The following DEXI variants were observed in gnomAD, a reference collection of about 807,000 sequenced individuals.
DEXI encodes the protein dexamethasone-induced protein.
DEXI carries 2 observed loss-of-function variants against 2.5 expected under a neutral mutation model. That is an observed-to-expected ratio of 0.81 (90% CI 0.33 to 2.55). DEXI has a LOEUF of 2.55. DEXI is among the 30% of genes most tolerant of loss of function. The pLI is 0.11. For missense variants in DEXI, 108 were observed against 130.3 expected, an observed-to-expected ratio of 0.83 and a Z score of 0.83; for synonymous variants, 71 against 68.7, an observed-to-expected ratio of 1.03 and a Z score of -0.17.
intron 1 of DEXI, chr16:10,936,872 G>T (rs1279202237): frequency 1.3e-5 from 2 of 152,180 alleles, no homozygotes; most frequent in African/African-American, 2.4e-5. Context: ...GTGATCTTAG[G>T]TTTCCCAAAA....
rs889159197 is a variant in DEXI at position 10,941,621 on chromosome 16, T to C, written c.*97A>G. 1.1e-5 allele frequency: 17 copies of C among 1,512,888 alleles called. No homozygotes were observed. The Admixed American group carries it at 3.8e-4, about 34-fold the overall frequency. 93.7% of individuals were successfully genotyped at this position (1,512,888 alleles called of 1,614,324 possible). A position where few individuals can be genotyped will look rare whatever the true frequency, so the allele number is the denominator to read the frequency against. ...TCCTGGGGAACCATCCCCGTCCAGATGGTGCCCCCAACCAGCTGCGGCGGC... is the reference window on the plus strand; with the variant it reads ...TCCTGGGGAACCATCCCCGTCCAGACGGTGCCCCCAACCAGCTGCGGCGGC... On this transcript the variant is annotated 3_prime_UTR_variant, in exon 1 of 2. Coordinates refer to ENST00000331808, the MANE Select transcript of DEXI (RefSeq NM_014015.4). This position sits in a 1 kb window ranked among gnomAD's most constrained non-coding sequence, Gnocchi z 6.4.
At position 10,942,065 on chromosome 16, in the gene DEXI, C is replaced by G. The variant is rs1311098058; in HGVS notation, c.-60G>C. 27 of 1,313,762 alleles carry G rather than the reference C, an allele frequency of 2.1e-5. No homozygotes were observed. The Admixed American group carries it at 1.1e-3, about 53-fold the overall frequency. The allele number at this position is 1,313,762 out of a possible 1,614,324, so 81.4% of individuals were successfully genotyped here. Reference sequence around the variant, plus strand: ...CGGCGAACTCAGCCGCTGCGGCGCCCGGGCGGCCGGCGAGGGCACAGCGCA... The same window carrying G: ...CGGCGAACTCAGCCGCTGCGGCGCCGGGGCGGCCGGCGAGGGCACAGCGCA... On this transcript the variant is annotated 5_prime_UTR_variant, in exon 1 of 2. Transcript: ENST00000331808. This position sits in a 1 kb window ranked among gnomAD's most constrained non-coding sequence, Gnocchi z 5.0.
chr16:10,936,548 ATTGT>A (rs1237329006), intron 1 of DEXI: 9 of 152,236 alleles, frequency 5.9e-5, no homozygotes, highest in East Asian at 1.9e-4. Flanking sequence ...TTGGGCGGGC[ATTGT>A]TTGTGCTCTT....
rs947907924 is a variant in DEXI at position 10,938,460 on chromosome 16, T to C, written c.*149+3109A>G. ...CACTGTGTGACATGCTCCACGCCCTTAGTCACTGTTTCCTGGATTGGCGTG... is the reference window on the plus strand; with the variant it reads ...CACTGTGTGACATGCTCCACGCCCTCAGTCACTGTTTCCTGGATTGGCGTG... On this transcript the variant is annotated intron_variant, in intron 1 of 1. Coordinates refer to ENST00000331808, the MANE Select transcript of DEXI (RefSeq NM_014015.4). This position sits in a 1 kb window ranked among gnomAD's most constrained non-coding sequence, Gnocchi z 4.9. The C allele has an allele frequency of 2.6e-5, 4 of 152,128 alleles. No homozygotes were observed. Among genetic ancestry groups the C allele is most frequent in the African/African-American group, 9.7e-5 (4 of 41,428 alleles). 9.4% of individuals were successfully genotyped at this position (152,128 alleles called of 1,614,324 possible). A position where few individuals can be genotyped will look rare whatever the true frequency, so the allele number is the denominator to read the frequency against.
At chr16:10,933,342 C>A (rs886366560) in intron 1 of DEXI, 1 of 152,286 alleles carries the variant, frequency 6.6e-6, no homozygotes, top group East Asian at 1.9e-4. Context: ...ATGGCCCTGG[C>A]GTTTTACGCG....
Position 10,937,772 on chromosome 16 carries a change from A to T in DEXI, c.*149+3797T>A, listed in dbSNP as rs1487733349. On this transcript the variant is annotated intron_variant, in intron 1 of 1. Coordinates refer to ENST00000331808, the MANE Select transcript of DEXI (RefSeq NM_014015.4). This position sits in a 1 kb window ranked among gnomAD's most constrained non-coding sequence, Gnocchi z 4.2. ...ACTGCAGCCCTTTCTCCTGGGAAGG[A>T]GGGAGCTCCCGATTCCCCATTCCCT... 1 of 152,210 alleles carries T rather than the reference A, an allele frequency of 6.6e-6. No homozygotes were observed. The highest frequency in any genetic ancestry group is 1.5e-5 in the Non-Finnish European group (1 of 68,066). The allele number at this position is 152,210 out of a possible 1,614,324, so 9.4% of individuals were successfully genotyped here. A position where few individuals can be genotyped will look rare whatever the true frequency, so the allele number is the denominator to read the frequency against.
chr16:10,933,039 A>T (rs1364047345), intron 1 of DEXI: 1 of 152,312 alleles, frequency 6.6e-6, no homozygotes, highest in Non-Finnish European at 1.5e-5. Flanking sequence ...CCCCAGGCTG[A>T]AAAGCACCCC....
chr16:10,941,712 G>C lies in DEXI; in HGVS notation c.*6C>G, dbSNP rs747276966. 4 of 1,602,370 alleles carry C rather than the reference G, an allele frequency of 2.5e-6. No individual in the cohort carries two copies. In the African/African-American group the frequency reaches 4.0e-5, roughly 16 times the overall value. ...TGTAGGGAAGAGGGGAACAGCAGTC[G>C]AGACCCTACTCCAAGTACGCATCAA... On this transcript the variant is annotated 3_prime_UTR_variant, in exon 1 of 2. Transcript: ENST00000331808. This position sits in a 1 kb window ranked among gnomAD's most constrained non-coding sequence, Gnocchi z 6.4.
In DEXI at chr16:10,929,717, A is replaced by G. The variant is rs752478876; in HGVS notation, c.*150-158T>C. The stretch of plus-strand genomic sequence containing the variant: ...AATTTAGGGAACCACTGGGAGCCCC[A>G]GACTCAGGCTGAAAATGTCTTTCTG... On this transcript the variant is annotated intron_variant, in intron 1 of 1. Coordinates refer to ENST00000331808, the MANE Select transcript of DEXI (RefSeq NM_014015.4). The surrounding 1 kb of genome is among the most constrained non-coding windows in gnomAD (Gnocchi z 4.3). The G allele has an allele frequency of 2.4e-5, 5 of 210,640 alleles. No homozygotes were observed. The highest frequency in any genetic ancestry group is 9.4e-5 in the African/African-American group (4 of 42,430). 13.0% of individuals were successfully genotyped at this position (210,640 alleles called of 1,614,324 possible). A position where few individuals can be genotyped will look rare whatever the true frequency, so the allele number is the denominator to read the frequency against.
At chr16:10,935,656 C>T (rs774830509) in intron 1 of DEXI, 1 of 152,186 alleles carries the variant, frequency 6.6e-6, no homozygotes, top group Non-Finnish European at 1.5e-5. Context: ...ACCAACTGAT[C>T]AAAGTTAACA....
At position 10,939,592 on chromosome 16, in the gene DEXI, T is replaced by C. The variant is rs2041073642; in HGVS notation, c.*149+1977A>G. 1 of 152,214 alleles carries C rather than the reference T, an allele frequency of 6.6e-6. No homozygotes were observed. The highest frequency in any genetic ancestry group is 1.5e-5 in the Non-Finnish European group (1 of 68,052). The allele number at this position is 152,214 out of a possible 1,614,324, so 9.4% of individuals were successfully genotyped here. On this transcript the variant is annotated intron_variant, in intron 1 of 1. Transcript: ENST00000331808. This position sits in a 1 kb window ranked among gnomAD's most constrained non-coding sequence, Gnocchi z 4.9. ...CTTTTCTCCAGATCCTTCTATCAAA[T>C]TAAGGCTCAGCTCAAAAGCATCATC... is the stretch of plus-strand genomic sequence containing the variant.
chr16:10,941,578 A>T lies in DEXI; in HGVS notation c.*140T>A. 6.9e-7 allele frequency: 1 copy of T among 1,457,742 alleles called. No homozygotes were observed. Among genetic ancestry groups the T allele is most frequent in the Non-Finnish European group, 9.1e-7 (1 of 1,104,192 alleles). 90.3% of individuals were successfully genotyped at this position (1,457,742 alleles called of 1,614,324 possible). ...CAGAGAGGGCACTTACAGGCCTCGG[A>T]GGCAGGGGAGGGTCTCCTCCTGGGG... On this transcript the variant is annotated 3_prime_UTR_variant, in exon 1 of 2. Transcript: ENST00000331808. This position sits in a 1 kb window ranked among gnomAD's most constrained non-coding sequence, Gnocchi z 6.4.
intron 1 of DEXI, chr16:10,936,303 A>G (rs143920239): frequency 2.0e-4 from 30 of 152,292 alleles, no homozygotes; most frequent in Middle Eastern, 3.4e-3. Context: ...TAGTGTATCA[A>G]TATTAGATTT....
rs1403283202 is a variant in DEXI at position 10,934,818 on chromosome 16, G to A, written c.*150-5259C>T. On this transcript the variant is annotated intron_variant, in intron 1 of 1. Coordinates refer to ENST00000331808, the MANE Select transcript of DEXI (RefSeq NM_014015.4). The surrounding 1 kb of genome is among the most constrained non-coding windows in gnomAD (Gnocchi z 4.2). ...CCACTCCAAGCTTGGGGCCTGGGAT[G>A]GCAGCTGTGAGGGCACCAGCACCAT... The A allele has an allele frequency of 6.6e-6, 1 of 152,268 alleles. No homozygotes were observed. The highest frequency in any genetic ancestry group is 1.9e-4 in the East Asian group (1 of 5,194). 9.4% of individuals were successfully genotyped at this position (152,268 alleles called of 1,614,324 possible). A position where few individuals can be genotyped will look rare whatever the true frequency, so the allele number is the denominator to read the frequency against.
Position 10,929,318 on chromosome 16 carries a change from G to A in DEXI, c.*391C>T. The A allele has an allele frequency of 1.0e-6, 1 of 985,954 alleles. No homozygotes were observed. Among genetic ancestry groups the A allele is most frequent in the Non-Finnish European group, 1.2e-6 (1 of 829,962 alleles). The allele number at this position is 985,954 out of a possible 1,614,324, so 61.1% of individuals were successfully genotyped here. Reference sequence around the variant, plus strand: ...CAGGTGCGCTCCGGGATGAAGTGCAGGGAGGCAAACTCTGGCTGGGTTCCT... The same window carrying A: ...CAGGTGCGCTCCGGGATGAAGTGCAAGGAGGCAAACTCTGGCTGGGTTCCT... On this transcript the variant is annotated 3_prime_UTR_variant, in exon 2 of 2. Coordinates refer to ENST00000331808, the MANE Select transcript of DEXI (RefSeq NM_014015.4). This position sits in a 1 kb window ranked among gnomAD's most constrained non-coding sequence, Gnocchi z 4.3.
At chr16:10,935,703 T>C (rs1177179066) in intron 1 of DEXI, 1 of 152,238 alleles carries the variant, frequency 6.6e-6, no homozygotes, top group Non-Finnish European at 1.5e-5. Context: ...TGCCTCTCGA[T>C]AAGATGCACT....
At position 10,929,640 on chromosome 16, in the gene DEXI, AC is replaced by A; in HGVS notation, c.*150-82del. ...GTTGGCTGGGGACAGGGACCAATCC[AC>A]CAGGCTCGGGAGGCTTGGGGTGGGG... On this transcript the variant is annotated intron_variant, in intron 1 of 1. Transcript: ENST00000331808. The surrounding 1 kb of genome is among the most constrained non-coding windows in gnomAD (Gnocchi z 4.3). 1.1e-6 allele frequency: 1 copy of A among 897,086 alleles called. No individual in the cohort carries two copies. Among genetic ancestry groups the A allele is most frequent in the Non-Finnish European group, 1.3e-6 (1 of 749,478 alleles). 55.6% of individuals were successfully genotyped at this position (897,086 alleles called of 1,614,324 possible).
chr16:10,930,454 C>A (rs968803358), intron 1 of DEXI: 5 of 152,124 alleles, frequency 3.3e-5, no homozygotes, highest in African/African-American at 1.2e-4. Flanking sequence ...TGCCCTCCTA[C>A]CCTATTTCCA....
rs2041108997 is a variant in DEXI at position 10,941,974 on chromosome 16, T to C, written c.32A>G (p.Asp11Gly). The C allele has an allele frequency of 5.2e-6, 8 of 1,526,586 alleles. No homozygotes were observed. The highest frequency in any genetic ancestry group is 2.8e-5 in the African/African-American group (2 of 70,880). The allele number at this position is 1,526,586 out of a possible 1,614,324, so 94.6% of individuals were successfully genotyped here. Residue 11 changes from aspartate (D) to glycine (G), a missense_variant, in exon 1 of 2, where the codon GAC becomes GGC. Asp to Gly is a moderately conservative substitution (Grantham distance 94). Coordinates refer to ENST00000331808, the MANE Select transcript of DEXI (RefSeq NM_014015.4). This position sits in a 1 kb window ranked among gnomAD's most constrained non-coding sequence, Gnocchi z 6.4. Reference protein sequence around the residue: MLGARVAAHLDALGPLVPYVP... With the variant: MLGARVAAHLGALGPLVPYVP... The stretch of plus-strand genomic sequence containing the variant: ...GTAGGGGACCAGGGGGCCCAGTGCG[T>C]CCAGGTGGGCCGCGACCCGGGCGCC...
Sources: gnomAD v4.1 joint callset for allele counts on GRCh38, gnomAD v4.1.1 for gene constraint, Gnocchi (gnomAD v3.1) non-coding constraint, MANE v1.5 for transcripts, NCBI Gene and HGNC (gene_info 2026-07-23, HGNC 2026-07-21) for gene names.